ATAT1: variants seen among roughly 807,000 people sequenced by gnomAD.
The protein encoded by ATAT1 is alpha tubulin acetyltransferase 1.
In ATAT1, 42 loss-of-function variants were observed where a neutral mutation model predicts 57.2. That is an observed-to-expected ratio of 0.73 (90% confidence interval 0.57 to 0.95). ATAT1 has a LOEUF of 0.95. ATAT1 is among the 40% of genes least tolerant of loss of function. ATAT1 has a pLI of 0.00. For missense variants in ATAT1, 454 were observed against 523.7 expected, an observed-to-expected ratio of 0.87 and a Z score of 1.30; for synonymous variants, 168 against 187.1, an observed-to-expected ratio of 0.90 and a Z score of 0.83.
At position 30,627,679 on chromosome 6, in the gene ATAT1, A is replaced by C. The variant is rs755651319; in HGVS notation, c.176A>C (p.Gln59Pro). 2 of 1,612,946 alleles carry C rather than the reference A, an allele frequency of 1.2e-6. No individual in the cohort carries two copies. Among genetic ancestry groups the C allele is most frequent in the Non-Finnish European group, 1.7e-6 (2 of 1,180,032 alleles). ...CCTATCACTAGTGCATCAAGGATGC[A>C]GAGTAACCGCCATGTTGTTTATATT... The change falls in exon 3 of 13, where the codon CAG becomes CCG. Residue 59 changes from glutamine (Q) to proline (P), a missense_variant. Gln to Pro is a moderately conservative substitution (Grantham distance 76). This residue lies in a region of ATAT1 where 236 missense variants were observed against 284.5 expected (regional missense o/e 0.83). Coordinates refer to ENST00000330083, the MANE Select transcript of ATAT1 (RefSeq NM_001031722.4).
At chr6:30,633,180 G>C (rs867814296) in intron 6 of ATAT1, among the ~76,000 whole-genome samples, 1 of 152,220 alleles carries the variant, frequency 6.6e-6, no homozygotes, top group Admixed American at 6.5e-5. Flanking sequence ...GCAGCTGGAA[G>C]AATGAAGTTG....
intron 6 of ATAT1, among the ~76,000 whole-genome samples, chr6:30,637,378 T>A (rs1284885373): frequency 6.6e-6 from 1 of 151,800 alleles, no homozygotes; most frequent in Non-Finnish European, 1.5e-5. Context: ...TTTTTTTTTT[T>A]TTTTCTTTTT....
chr6:30,642,833 G>GGGGGGGCGGGCCCCCCCCCCCCC lies in ATAT1; in HGVS notation c.754_755insGGGGGGCGGGCCCCCCCCCCCCC (p.Ala252GlyfsTer75). Reference sequence around the variant, plus strand: ...GGCCCCTCGCCGCGCCACACCTCCAGCCCACCCACCCCCCCGCTCCAGCAG... The same window carrying GGGGGGGCGGGCCCCCCCCCCCCC: ...GGCCCCTCGCCGCGCCACACCTCCAGGGGGGGCGGGCCCCCCCCCCCCCCCCACCCACCCCCCCGCTCCAGCAG... On this transcript the variant is annotated frameshift_variant, in exon 10 of 13. Transcript: ENST00000330083. LOFTEE classifies it high-confidence loss of function. The GGGGGGGCGGGCCCCCCCCCCCCC allele has an allele frequency of 6.5e-7, 1 of 1,537,878 alleles. No homozygotes were observed. The highest frequency in any genetic ancestry group is 8.7e-7 in the Non-Finnish European group (1 of 1,145,784).
intron 6 of ATAT1, among the ~76,000 whole-genome samples, chr6:30,633,114 T>G (rs1763272825): frequency 6.6e-6 from 1 of 152,162 alleles, no homozygotes; most frequent in Non-Finnish European, 1.5e-5. Flanking sequence ...GCAAGTAAGA[T>G]TTCCTGACAG....
chr6:30,634,034 T>TAA (rs1240716476), intron 6 of ATAT1: 1 of 158,178 alleles, frequency 6.3e-6, no homozygotes, highest in East Asian at 1.9e-4. Flanking sequence ...TCTCAGAATC[T>TAA]AAACATGGTT....
chr6:30,642,840 C>T lies in ATAT1; in HGVS notation c.761C>T (p.Pro254Leu), dbSNP rs868494609. ...CGCCGCGCCACACCTCCAGCCCACCCACCCCCCCGCTCCAGCAGCCTGGGA... is the reference window on the plus strand; with the variant it reads ...CGCCGCGCCACACCTCCAGCCCACCTACCCCCCCGCTCCAGCAGCCTGGGA... Residue 254 changes from proline to leucine, a missense_variant, in exon 10 of 13, where the codon CCA becomes CTA. Pro to Leu is a moderately conservative substitution (Grantham distance 98). Transcript: ENST00000330083. 5.2e-6 allele frequency: 4 copies of T among 769,652 alleles called. No homozygotes were observed. The highest frequency in any genetic ancestry group is 8.3e-6 in the Non-Finnish European group (4 of 484,678). The allele number at this position is 769,652 out of a possible 1,614,324, so 47.7% of individuals were successfully genotyped here.
intron 10 of ATAT1, chr6:30,643,698 T>C (rs1766040704): frequency 1.4e-6 from 2 of 1,475,460 alleles, no homozygotes; most frequent in South Asian, 1.3e-5. Context: ...CCTCTTCTAC[T>C]TTCTTAGACA....
chr6:30,641,230 A>T (rs1420028637), intron 8 of ATAT1, among the ~76,000 whole-genome samples: 1 of 152,076 alleles, frequency 6.6e-6, no homozygotes, highest in Non-Finnish European at 1.5e-5. Context: ...GCTTGCTTGC[A>T]CAGAAGAGCC....
rs1441188313 is a variant in ATAT1, at chr6:30,642,258, C to T, written c.688+11C>T. The stretch of plus-strand genomic sequence containing the variant: ...CTAGTGACCGAGAATGTAAGAGGGG[C>T]AAGGGTCGGGTGTCTGGGCCTGGGG... On this transcript the variant is annotated intron_variant, in intron 9 of 12. Coordinates refer to ENST00000330083, the MANE Select transcript of ATAT1 (RefSeq NM_001031722.4). 1 of 1,614,060 alleles carries T rather than the reference C, an allele frequency of 6.2e-7. No homozygotes were observed. The highest frequency in any genetic ancestry group is 8.5e-7 in the Non-Finnish European group (1 of 1,179,994).
At chr6:30,644,775 AC>A in intron 10 of ATAT1, 1 of 439,032 alleles carries the variant, frequency 2.3e-6, no homozygotes, top group Non-Finnish European at 3.0e-6. Context: ...CACATCTTTT[AC>A]CCAGGAGCCT....
intron 10 of ATAT1, 115 bp from the exon 11 acceptor site, chr6:30,645,780 A>AC: frequency 1.4e-6 from 1 of 707,706 alleles, no homozygotes; most frequent in Non-Finnish European, 2.2e-6. Flanking sequence ...AATGATAATT[A>AC]CCCCCTTCTC....
chr6:30,643,466 T>G (rs1477518945), intron 10 of ATAT1: 3 of 1,546,782 alleles, frequency 1.9e-6, no homozygotes, highest in Non-Finnish European at 2.6e-6. Context: ...TCTCTGTTTT[T>G]CTCTCCCCCG....
Position 30,627,659 on chromosome 6 carries a change from CA to C in ATAT1, c.157del (p.Thr53LeufsTer52). 1 of 1,613,066 alleles carries C rather than the reference CA, an allele frequency of 6.2e-7. No individual in the cohort carries two copies. Among genetic ancestry groups the C allele is most frequent in the East Asian group, 2.2e-5 (1 of 44,892 alleles). Reference sequence around the variant, plus strand: ...AGGCCCAGAATCTTTCCGCTCCTATCACTAGTGCATCAAGGATGCAGAGTAA... The same window carrying C: ...AGGCCCAGAATCTTTCCGCTCCTATCCTAGTGCATCAAGGATGCAGAGTAA... On this transcript the variant is annotated frameshift_variant, in exon 3 of 13. Coordinates refer to ENST00000330083, the MANE Select transcript of ATAT1 (RefSeq NM_001031722.4). LOFTEE classifies it high-confidence loss of function.
intron 6 of ATAT1, among the ~76,000 whole-genome samples, chr6:30,639,513 A>G (rs1561919939): frequency 7.3e-6 from 1 of 137,924 alleles, no homozygotes; most frequent in African/African-American, 2.7e-5. Flanking sequence ...GTCTTGCTCC[A>G]TCGCCCAGGC....
chr6:30,636,284 G>C (rs1287488905), intron 6 of ATAT1, among the ~76,000 whole-genome samples: 3 of 152,052 alleles, frequency 2.0e-5, no homozygotes, highest in African/African-American at 7.2e-5. Flanking sequence ...AAGGCAGAAA[G>C]GTATTAAACC....
At chr6:30,634,771 G>A (rs1477065948) in intron 6 of ATAT1, among the ~76,000 whole-genome samples, 16 of 148,282 alleles carry the variant, frequency 1.1e-4, no homozygotes, top group African/African-American at 2.7e-4. Flanking sequence ...GGTGGATCAC[G>A]AGGTCAGAAG....
At chr6:30,632,487 G>A (rs1281808680) in intron 6 of ATAT1, among the ~76,000 whole-genome samples, 1 of 151,782 alleles carries the variant, frequency 6.6e-6, no homozygotes, top group East Asian at 2.0e-4. Context: ...TAGAAGAATC[G>A]CTTGAACCTG....
chr6:30,636,670 C>CT (rs1764160668), intron 6 of ATAT1, among the ~76,000 whole-genome samples: 1 of 151,526 alleles, frequency 6.6e-6, no homozygotes, highest in African/African-American at 2.4e-5. Flanking sequence ...TGGGCATGTG[C>CT]TTGTTGGGGG....
At chr6:30,639,665 G>C (rs1183409495) in intron 6 of ATAT1, among the ~76,000 whole-genome samples, 1 of 151,476 alleles carries the variant, frequency 6.6e-6, no homozygotes, top group Admixed American at 6.6e-5. Flanking sequence ...TTTTAGTAGA[G>C]ATGGGGTTTC....
Sources: allele counts gnomAD v4.1 joint callset (sites outside exome capture counted in the v4.1 genomes callset), GRCh38; gene constraint gnomAD v4.1.1; regional missense constraint gnomAD v4.1.1; transcripts MANE v1.5; gene names NCBI Gene and HGNC (gene_info 2026-07-23, HGNC 2026-07-21).